Variants in ALDH16A1 observed in about 807,000 individuals in gnomAD.
ALDH16A1 encodes the protein aldehyde dehydrogenase 16 family member A1.
In ALDH16A1, 88 loss-of-function variants were observed where a neutral mutation model predicts 96.1. The observed-to-expected ratio is 0.92, with a 90% CI of 0.77 to 1.09. The LOEUF is 1.09. ALDH16A1 is among the 50% of genes least tolerant of loss of function. The pLI, the probability that ALDH16A1 is intolerant of heterozygous loss-of-function variation, is 0.00. For synonymous variants in ALDH16A1, 522 were observed against 496.4 expected (o/e 1.05, Z -0.69); for missense variants, 1,250 against 1,112.6 (o/e 1.12, Z -1.76).
In ALDH16A1 at chr19:49,462,769, T is replaced by A. The variant is rs760756601; in HGVS notation, c.1098+14T>A. The A allele has an allele frequency of 1.3e-6, 2 of 1,550,120 alleles. No homozygotes were observed. Among genetic ancestry groups the A allele is most frequent in the African/African-American group, 2.8e-5 (2 of 71,414 alleles). ...CAGGGTGCACAGGTGAGGCAGGGGG[T>A]AGAGACTTGAGGGTGTCAGGGGAGG... On this transcript the variant is annotated intron_variant, in intron 8 of 16. Transcript: ENST00000293350.
At position 49,468,109 on chromosome 19, in the gene ALDH16A1, A is replaced by G. The variant is rs575048917; in HGVS notation, c.1939-272A>G. ...CGGGAGGCGGAGGTTGCAGTGAGCC[A>G]AGATCGCACCACTGCACTCTAGCCA... On this transcript the variant is annotated intron_variant, in intron 14 of 16. Transcript: ENST00000293350. The surrounding 1 kb of genome is among the most constrained non-coding windows in gnomAD (Gnocchi z 4.4). Among the ~76,000 whole-genome samples, 34 of 151,420 alleles carry G rather than the reference A, an allele frequency of 2.2e-4. No homozygotes were observed. In the East Asian group the frequency reaches 6.2e-3, roughly 28 times the overall value.
In ALDH16A1 at chr19:49,470,495, G is replaced by A. The variant is rs1329024073; in HGVS notation, c.*28G>A. 2.0e-6 allele frequency: 3 copies of A among 1,510,940 alleles called. No homozygotes were observed. The South Asian group carries it at 3.9e-5, about 20-fold the overall frequency. The allele number at this position is 1,510,940 out of a possible 1,614,324, so 93.6% of individuals were successfully genotyped here. ...CCTGAGCGCCACCTACTGCATTTTG[G>A]ACACCTCACACCAAGGGGAGATGCA... On this transcript the variant is annotated 3_prime_UTR_variant, in exon 17 of 17. Transcript: ENST00000293350.
intron 4 of ALDH16A1, 94 bp from the exon 5 acceptor site, chr19:49,460,728 T>TTTCCTAATG: frequency 9.6e-7 from 1 of 1,037,996 alleles, no homozygotes; most frequent in Non-Finnish European, 1.4e-6. Context: ...TTTTTTTTTT[T>TTTCCTAATG]TCCTAATGTA....
chr19:49,455,638 G>A (rs930296024), intron 1 of ALDH16A1, among the ~76,000 whole-genome samples: 17 of 151,932 alleles, frequency 1.1e-4, no homozygotes, highest in Non-Finnish European at 2.2e-4. Flanking sequence ...GCTCACACCT[G>A]TAATCCCAGC....
At chr19:49,454,762 C>G (rs540566445) in intron 1 of ALDH16A1, among the ~76,000 whole-genome samples, 1 of 152,298 alleles carries the variant, frequency 6.6e-6, no homozygotes. Flanking sequence ...ACGGGCAGAT[C>G]GCCTGAGCTC....
In ALDH16A1 at chr19:49,464,390, T is replaced by C. The variant is rs745343121; in HGVS notation, c.1332-27T>C. 1.4e-5 allele frequency: 22 copies of C among 1,579,798 alleles called. No individual in the cohort carries two copies. In the Admixed American group the frequency reaches 1.7e-4, roughly 12 times the overall value. On this transcript the variant is annotated intron_variant, in intron 10 of 16. Coordinates refer to ENST00000293350, the MANE Select transcript of ALDH16A1 (RefSeq NM_153329.4). ...CGGCCTGCCACCGTCTGTTTTCCTC[T>C]GTTGGACACCTTCATCTTCCCCACA... is the stretch of plus-strand genomic sequence containing the variant.
In ALDH16A1 at chr19:49,465,685, G is replaced by A. The variant is rs952953410; in HGVS notation, c.1569-53G>A. ...TCTTCCCAGTGCGGTAGAGCATAGG[G>A]TCTGAGCAGATTGAGGCCCCAGGAC... On this transcript the variant is annotated intron_variant, in intron 12 of 16. Transcript: ENST00000293350. 5.1e-6 allele frequency: 8 copies of A among 1,566,538 alleles called. No homozygotes were observed. The Admixed American group carries it at 5.3e-5, about 10-fold the overall frequency.
Position 49,468,579 on chromosome 19 carries a change from G to T in ALDH16A1, c.2124+13G>T, listed in dbSNP as rs755764783. Reference sequence around the variant, plus strand: ...GGAGGTCTGCCAGGTATAGCCCCCTGCCTTCCTGCCTCTCCTCCCCGTAGC... The same window carrying T: ...GGAGGTCTGCCAGGTATAGCCCCCTTCCTTCCTGCCTCTCCTCCCCGTAGC... On this transcript the variant is annotated intron_variant, in intron 15 of 16. Coordinates refer to ENST00000293350, the MANE Select transcript of ALDH16A1 (RefSeq NM_153329.4). The surrounding 1 kb of genome is among the most constrained non-coding windows in gnomAD (Gnocchi z 4.4). 3 of 1,600,612 alleles carry T rather than the reference G, an allele frequency of 1.9e-6. No homozygotes were observed. The South Asian group carries it at 3.3e-5, about 18-fold the overall frequency.
chr19:49,462,612 G>A lies in ALDH16A1; in HGVS notation c.955G>A (p.Ala319Thr), dbSNP rs2079159720. Residue 319 changes from alanine to threonine, a missense_variant, in exon 8 of 17, where the codon GCC becomes ACC. Physicochemically the swap from Ala to Thr is moderately conservative, Grantham distance 58. Coordinates refer to ENST00000293350, the MANE Select transcript of ALDH16A1 (RefSeq NM_153329.4). ...LLIQESVWDE[A>T]MRRLQERMGR... ...CATCCAGGAGTCTGTGTGGGATGAA[G>A]CCATGAGACGGCTGCAGGAGCGGAT... The A allele has an allele frequency of 1.2e-6, 2 of 1,613,028 alleles. No individual in the cohort carries two copies. The highest frequency in any genetic ancestry group is 1.7e-5 in the Admixed American group (1 of 59,986).
At chr19:49,462,210 G>A (rs995585352) in intron 7 of ALDH16A1, among the ~76,000 whole-genome samples, 174 bp downstream of exon 7, 2 of 132,598 alleles carry the variant, frequency 1.5e-5, no homozygotes, top group Admixed American at 7.6e-5. Flanking sequence ...TTGGCTCACC[G>A]CAACCTCTGC....
Position 49,461,896 on chromosome 19 carries a change from C to G in ALDH16A1, c.772C>G (p.Leu258Val). The G allele has an allele frequency of 6.3e-7, 1 of 1,584,784 alleles. No individual in the cohort carries two copies. The highest frequency in any genetic ancestry group is 8.6e-7 in the Non-Finnish European group (1 of 1,165,990). Residue 258 changes from leucine to valine, a missense_variant, in exon 7 of 17, where the codon CTT (leucine) becomes GTT (valine). Transcript: ENST00000293350. ...GGGGGGTCCCTAGGAAGGGCGTGCC[C>G]TTCGACGGAGCCTGGCGGGAGAGTG... is the stretch of plus-strand genomic sequence containing the variant. ...FCGAPEEGRALRRSLAGECAE... is the reference protein window; with the variant it reads ...FCGAPEEGRAVRRSLAGECAE...
chr19:49,456,917 G>C (rs955702326), intron 1 of ALDH16A1, among the ~76,000 whole-genome samples: 14 of 151,878 alleles, frequency 9.2e-5, no homozygotes, highest in African/African-American at 3.4e-4. Context: ...AGACCAGCCT[G>C]GCCAACATGG....
chr19:49,461,719 C>A lies in ALDH16A1; in HGVS notation c.678C>A (p.Val226=). Residue 226 remains valine, a synonymous_variant, in exon 6 of 17, where the codon GTC becomes GTA. Coordinates refer to ENST00000293350, the MANE Select transcript of ALDH16A1 (RefSeq NM_153329.4). ...GCCCCTTCCCGGGAATCCTGAATGT[C>A]CTCAGTGGCCCTGCGTCCCTGGTGC... ...ELGPFPGILN[V]LSGPASLVPI... 1 of 1,610,116 alleles carries A rather than the reference C, an allele frequency of 6.2e-7. No homozygotes were observed. The highest frequency in any genetic ancestry group is 8.5e-7 in the Non-Finnish European group (1 of 1,178,292).
chr19:49,458,372 A>G (rs965783022), intron 1 of ALDH16A1, 114 bp from the exon 2 acceptor site: 2 of 765,900 alleles, frequency 2.6e-6, no homozygotes, highest in African/African-American at 3.5e-5. Context: ...GAGGAAAAGA[A>G]TTAGCTGATG....
chr19:49,464,059 G>A, intron 9 of ALDH16A1, 68 bp from the exon 10 acceptor site: 1 of 1,580,954 alleles, frequency 6.3e-7, no homozygotes. Context: ...GGGGGCTGCT[G>A]CCTGCTCTAG....
At chr19:49,456,495 C>T (rs1357419781) in intron 1 of ALDH16A1, among the ~76,000 whole-genome samples, 2 of 152,134 alleles carry the variant, frequency 1.3e-5, no homozygotes, top group Admixed American at 1.3e-4. Context: ...AGCAATCCTC[C>T]CACCCCAGCC....
Position 49,459,203 on chromosome 19 carries a change from G to C in ALDH16A1, c.320+117G>C. 7 of 1,471,770 alleles carry C rather than the reference G, an allele frequency of 4.8e-6. No individual in the cohort carries two copies. Among genetic ancestry groups the C allele is most frequent in the Non-Finnish European group, 6.4e-6 (7 of 1,102,306 alleles). The allele number at this position is 1,471,770 out of a possible 1,614,324, so 91.2% of individuals were successfully genotyped here. A position where few individuals can be genotyped will look rare whatever the true frequency, so the allele number is the denominator to read the frequency against. ...TGAATTAATTTGCAGCTAAGGCTCA[G>C]ATTCCCAGTATGTGCTGGAGGCAGT... is the stretch of plus-strand genomic sequence containing the variant. On this transcript the variant is annotated intron_variant, in intron 3 of 16. Coordinates refer to ENST00000293350, the MANE Select transcript of ALDH16A1 (RefSeq NM_153329.4). This position sits in a 1 kb window ranked among gnomAD's most constrained non-coding sequence, Gnocchi z 4.1.
chr19:49,470,616 G>T lies in ALDH16A1; in HGVS notation c.*149G>T. ...CTGTGCTTCTGCGAGAAGAAAGGGT[G>T]TAGCAACTTCTGGCAGATATGAGGC... is the stretch of plus-strand genomic sequence containing the variant. On this transcript the variant is annotated 3_prime_UTR_variant, in exon 17 of 17. Transcript: ENST00000293350. The T allele has an allele frequency of 2.7e-6, 2 of 751,668 alleles. No individual in the cohort carries two copies. Among genetic ancestry groups the T allele is most frequent in the Non-Finnish European group, 3.8e-6 (2 of 532,758 alleles). The allele number at this position is 751,668 out of a possible 1,614,324, so 46.6% of individuals were successfully genotyped here.
At position 49,462,053 on chromosome 19, in the gene ALDH16A1, C is replaced by T. The variant is rs902007873; in HGVS notation, c.912+17C>T. On this transcript the variant is annotated intron_variant, in intron 7 of 16. Transcript: ENST00000293350. ...CGCGGCCCGGTGAGACCCGTGCGCT[C>T]CCGTCTCCTCATACCCTGGAGGCCG... The T allele has an allele frequency of 2.0e-6, 3 of 1,534,618 alleles. No individual in the cohort carries two copies. Among genetic ancestry groups the T allele is most frequent in the Non-Finnish European group, 1.7e-6 (2 of 1,145,858 alleles).
Sources: gnomAD v4.1 joint callset for allele counts (sites outside exome capture counted in the v4.1 genomes callset) on GRCh38, gnomAD v4.1.1 for gene constraint, Gnocchi (gnomAD v3.1) non-coding constraint, MANE v1.5 for transcripts, NCBI Gene and HGNC (gene_info 2026-07-23, HGNC 2026-07-21) for gene names.